Variants in MALRD1 observed in about 807,000 individuals in gnomAD.
The protein encoded by MALRD1 is MAM and LDL-receptor class A domain-containing protein 1.
In MALRD1, 247 loss-of-function variants were observed where a neutral mutation model predicts 242.1. That is an observed-to-expected ratio of 1.02 (90% CI 0.92 to 1.13). The LOEUF (loss-of-function observed/expected upper bound fraction) is 1.13. Ranked by LOEUF, MALRD1 falls within the 50% of genes most tolerant of loss-of-function variation. MALRD1 has a pLI of 0.00. For missense variants in MALRD1, 2,989 were observed against 2,533.1 expected (o/e 1.18, Z -3.86); for synonymous variants, 995 against 866.6 (o/e 1.15, Z -2.60).
chr10:19,146,185 C>G lies in MALRD1; in HGVS notation c.1412-13C>G, dbSNP rs373319677. On this transcript the variant is annotated splice_polypyrimidine_tract_variant and intron_variant, in intron 10 of 39. Transcript: ENST00000454679. ...CATTTCTCCTCACCTGTTTTCTCTTCTACGTGTAACAGCAAAGCATCTCAC... is the reference window on the plus strand; with the variant it reads ...CATTTCTCCTCACCTGTTTTCTCTTGTACGTGTAACAGCAAAGCATCTCAC... 14 of 1,231,446 alleles carry G rather than the reference C, an allele frequency of 1.1e-5. No homozygotes were observed. Among genetic ancestry groups the G allele is most frequent in the Non-Finnish European group, 1.3e-5 (13 of 987,874 alleles). The allele number at this position is 1,231,446 out of a possible 1,614,324, so 76.3% of individuals were successfully genotyped here.
At chr10:19,312,227 A>ATT (rs1439343337) in intron 21 of MALRD1, among the ~76,000 whole-genome samples, 15 of 151,358 alleles carry the variant, frequency 9.9e-5, no homozygotes, top group African/African-American at 3.4e-4. Context: ...GTTAAGAACT[A>ATT]GAACAAACTT....
At chr10:19,504,534 C>G (rs1838110276) in intron 31 of MALRD1, among the ~76,000 whole-genome samples, 1 of 152,094 alleles carries the variant, frequency 6.6e-6, no homozygotes, top group African/African-American at 2.4e-5. Context: ...ACCATTATTC[C>G]TGGACCCACT....
At chr10:19,289,239 A>G (rs959594277) in intron 21 of MALRD1, among the ~76,000 whole-genome samples, 1 of 152,160 alleles carries the variant, frequency 6.6e-6, no homozygotes, top group Non-Finnish European at 1.5e-5. Flanking sequence ...AGGTAGAAGT[A>G]GCAATGTGTC....
At chr10:19,363,789 C>T (rs10827321) in intron 26 of MALRD1, among the ~76,000 whole-genome samples, 85,589 of 151,756 alleles carry the variant, frequency 0.56, 24,269 homozygotes, top group Middle Eastern at 0.59. Flanking sequence ...AATATAGTAC[C>T]CTGGCTTCCA....
intron 5 of MALRD1, among the ~76,000 whole-genome samples, chr10:19,108,763 TG>T (rs2131347396): frequency 6.6e-6 from 1 of 152,340 alleles, no homozygotes; most frequent in East Asian, 1.9e-4. Flanking sequence ...TTTATCTCAT[TG>T]AGTTACCTTA....
intron 31 of MALRD1, among the ~76,000 whole-genome samples, chr10:19,530,406 T>TAATTATATAA (rs375588999): frequency 2.5e-5 from 1 of 39,806 alleles, no homozygotes; most frequent in Non-Finnish European, 4.7e-5. Context: ...AAATATTATA[T>TAATTATATAA]ATTTATATAA....
In MALRD1 at chr10:19,373,647, T is replaced by A. The variant is rs1035300612; in HGVS notation, c.4442-13881T>A. On this transcript the variant is annotated intron_variant, in intron 26 of 39. Coordinates refer to ENST00000454679, the MANE Select transcript of MALRD1 (RefSeq NM_001142308.3). The stretch of plus-strand genomic sequence containing the variant: ...ACATTTCTATATAACCTTCTAAGGA[T>A]GTGTCTTGTCATTAAGTTTCTCACA... Among the ~76,000 whole-genome samples, 47 of 152,182 alleles carry A rather than the reference T, an allele frequency of 3.1e-4. 1 individual carries two copies. The highest frequency in any genetic ancestry group is 3.1e-3 in the Admixed American group (47 of 15,272).
In MALRD1 at chr10:19,387,646, C is replaced by T; in HGVS notation, c.4560C>T (p.Ser1520=). The T allele has an allele frequency of 6.5e-7, 1 of 1,550,362 alleles. No individual in the cohort carries two copies. The highest frequency in any genetic ancestry group is 8.7e-7 in the Non-Finnish European group (1 of 1,146,876). Residue 1520 remains serine (S), a synonymous_variant, in exon 27 of 40, where the codon TCC becomes TCT. Transcript: ENST00000454679. ...CTGATGAAAATGAGTGTGGTAGCTC[C>T]TGTACTTTTGAAAAAGGCTGGTGTG... ...DNTDENECGS[S]CTFEKGWCGW...
intron 28 of MALRD1, among the ~76,000 whole-genome samples, chr10:19,401,002 G>A (rs1846813537): frequency 6.6e-6 from 1 of 151,748 alleles, no homozygotes; most frequent in African/African-American, 2.4e-5. Flanking sequence ...GATGACAGAG[G>A]GAGACTATGT....
intron 26 of MALRD1, among the ~76,000 whole-genome samples, chr10:19,375,140 ATAAC>A (rs1845543849): frequency 6.6e-6 from 1 of 152,170 alleles, no homozygotes; most frequent in Non-Finnish European, 1.5e-5. Context: ...ACCATAACCA[ATAAC>A]CAGGTCAGTA....
chr10:19,317,128 CCT>C (rs1842738700), intron 21 of MALRD1, among the ~76,000 whole-genome samples: 1 of 151,234 alleles, frequency 6.6e-6, no homozygotes. Flanking sequence ...CATTTGGGCC[CCT>C]GTTTCTAAAT....
rs371075170 is a variant in MALRD1, at chr10:19,238,546, T to TAC, written c.2992-19137_2992-19136insCA. Reference sequence around the variant, plus strand: ...TATATAATATACATTATATATAATATATAATGTATATTATATATAATATAC... The same window carrying TAC: ...TATATAATATACATTATATATAATATACATAATGTATATTATATATAATATAC... On this transcript the variant is annotated intron_variant, in intron 18 of 39. Coordinates refer to ENST00000454679, the MANE Select transcript of MALRD1 (RefSeq NM_001142308.3). 9.4e-3 allele frequency among the ~76,000 whole-genome samples: 753 copies of TAC among 80,340 alleles called. 124 individuals are homozygous for TAC. The highest frequency in any genetic ancestry group is 0.014 in the Non-Finnish European group (550 of 39,642). The allele number at this position is 80,340 out of a possible 152,430, so 52.7% of individuals were successfully genotyped here.
At chr10:19,192,624 C>T (rs2131588187) in intron 14 of MALRD1, among the ~76,000 whole-genome samples, 1 of 152,268 alleles carries the variant, frequency 6.6e-6, no homozygotes, top group South Asian at 2.1e-4. Context: ...GTACCTTGTA[C>T]TTTTATTACT....
In MALRD1 at chr10:19,257,758, C is replaced by T. The variant is rs901492791; in HGVS notation, c.3066C>T (p.Cys1022=). The change falls in exon 19 of 40, where the codon TGC becomes TGT. Residue 1022 remains cysteine (C), a synonymous_variant. Transcript: ENST00000454679. The part of the protein sequence containing the change: ...IAIDDLSFMD[C]TLYPGNLPAD... ...TTGATGATCTGTCATTTATGGACTG[C>T]ACCCTCTACCCTGGTAAGAGAGAAC... 5 of 1,535,514 alleles carry T rather than the reference C, an allele frequency of 3.3e-6. No individual in the cohort carries two copies. The highest frequency in any genetic ancestry group is 4.4e-6 in the Non-Finnish European group (5 of 1,137,780).
intron 29 of MALRD1, among the ~76,000 whole-genome samples, chr10:19,479,225 A>T (rs1383985259): frequency 6.6e-6 from 1 of 152,214 alleles, no homozygotes; most frequent in Non-Finnish European, 1.5e-5. Flanking sequence ...TATCTGTTAC[A>T]GAGTAAAGAA....
intron 36 of MALRD1, among the ~76,000 whole-genome samples, chr10:19,656,164 A>G (rs930235503): frequency 3.7e-4 from 57 of 152,252 alleles, no homozygotes; most frequent in African/African-American, 1.3e-3. Context: ...CATTTTTCAG[A>G]ACTTATCAAA....
intron 19 of MALRD1, among the ~76,000 whole-genome samples, chr10:19,278,083 TG>T (rs1298436062): frequency 6.6e-6 from 1 of 152,226 alleles, no homozygotes; most frequent in African/African-American, 2.4e-5. Context: ...TGATTTCAGC[TG>T]GCTCTTTATG....
Position 19,416,630 on chromosome 10 carries a change from A to G in MALRD1, c.4845+27021A>G, listed in dbSNP as rs145982402. 1.2e-3 allele frequency among the ~76,000 whole-genome samples: 184 copies of G among 151,904 alleles called. 2 individuals are homozygous for G. In the East Asian group the frequency reaches 0.026, roughly 22 times the overall value. ...CTTTTACAGCTATATCTCATACAGT[A>G]CCTCTCTATTTACTATCCAGCTATG... On this transcript the variant is annotated intron_variant, in intron 28 of 39. Transcript: ENST00000454679.
chr10:19,327,747 C>T, intron 23 of MALRD1, 74 bp downstream of exon 23: 1 of 1,200,196 alleles, frequency 8.3e-7, no homozygotes, highest in Non-Finnish European at 1.2e-6. Flanking sequence ...TCCTTCTCTA[C>T]TCACAGTCTT....
Sources: allele counts gnomAD v4.1 joint callset (sites outside exome capture counted in the v4.1 genomes callset), GRCh38; gene constraint gnomAD v4.1.1; transcripts MANE v1.5; gene names NCBI Gene and HGNC (gene_info 2026-07-23, HGNC 2026-07-21).